CSMD1: variants seen among roughly 807,000 people sequenced by gnomAD.
CSMD1 encodes the protein CUB and Sushi multiple domains 1, also known as CUB and sushi domain-containing protein 1.
In CSMD1, 213 loss-of-function variants were observed where a neutral mutation model predicts 417.5. The ratio of observed to expected loss-of-function variants is 0.51; its 90% CI spans 0.46 to 0.57. CSMD1 has a LOEUF of 0.57. CSMD1 is among the 20% of genes least tolerant of loss of function. The probability of loss-of-function intolerance (pLI) is 0.00; values close to 1 mark genes in which losing one functional copy is unlikely to be tolerated. For missense variants in CSMD1, 6,923 were observed against 4,529.7 expected, an observed-to-expected ratio of 1.53 and a Z score of -15.17; for synonymous variants, 2,862 against 1,736.8, an observed-to-expected ratio of 1.65 and a Z score of -16.11.
At chr8:4,099,684 A>G (rs774810099) in intron 3 of CSMD1, among the ~76,000 whole-genome samples, 23 of 152,064 alleles carry the variant, frequency 1.5e-4, no homozygotes, top group Admixed American at 5.2e-4. Context: ...ATACAAACAA[A>G]CAAACAAAAC....
At chr8:4,322,983 T>A (rs1159015733) in intron 3 of CSMD1, among the ~76,000 whole-genome samples, 1 of 152,194 alleles carries the variant, frequency 6.6e-6, no homozygotes, top group African/African-American at 2.4e-5. Context: ...AGACTCCGTC[T>A]CAAAAAACTA....
intron 3 of CSMD1, among the ~76,000 whole-genome samples, chr8:4,240,847 G>C (rs1415273837): frequency 1.3e-5 from 2 of 152,036 alleles, no homozygotes; most frequent in Non-Finnish European, 2.9e-5. Context: ...CGTAGCATGG[G>C]GTAGCATTTT....
chr8:4,833,960 A>C (rs188725983), intron 1 of CSMD1, among the ~76,000 whole-genome samples: 1 of 152,158 alleles, frequency 6.6e-6, no homozygotes, highest in South Asian at 2.1e-4. Flanking sequence ...AGTCTTCACT[A>C]TCTTAGCACC....
At chr8:3,636,371 G>T (rs183139262) in intron 7 of CSMD1, among the ~76,000 whole-genome samples, 98 of 152,170 alleles carry the variant, frequency 6.4e-4, no homozygotes, top group East Asian at 3.1e-3. Flanking sequence ...AGAGATGAGG[G>T]TTCTCCATGT....
At chr8:3,529,274 T>C (rs1279282604) in intron 10 of CSMD1, among the ~76,000 whole-genome samples, 1 of 152,230 alleles carries the variant, frequency 6.6e-6, no homozygotes, top group East Asian at 1.9e-4. Context: ...TTTCCATGAT[T>C]TTTTTGCATT....
intron 5 of CSMD1, among the ~76,000 whole-genome samples, chr8:3,801,002 A>G (rs1370962478): frequency 6.6e-6 from 1 of 152,172 alleles, no homozygotes; most frequent in Non-Finnish European, 1.5e-5. Flanking sequence ...CATAGCTAAA[A>G]TCATAAAAAT....
chr8:3,261,242 CAG>C (rs1409357112), intron 26 of CSMD1, among the ~76,000 whole-genome samples: 1 of 152,112 alleles, frequency 6.6e-6, no homozygotes, highest in African/African-American at 2.4e-5. Context: ...GGCAGAAAAA[CAG>C]AATCACGTAC....
intron 3 of CSMD1, among the ~76,000 whole-genome samples, chr8:4,398,214 G>A (rs1328040419): frequency 6.6e-6 from 1 of 152,142 alleles, no homozygotes; most frequent in Non-Finnish European, 1.5e-5. Flanking sequence ...AGGATGATCT[G>A]TAGTATGTGG....
chr8:3,737,236 G>A (rs948158758), intron 6 of CSMD1, among the ~76,000 whole-genome samples: 1 of 151,992 alleles, frequency 6.6e-6, no homozygotes, highest in African/African-American at 2.4e-5. Flanking sequence ...TTGCTTTCTA[G>A]AGATAAGCCG....
At chr8:3,729,277 A>T (rs778372544) in intron 6 of CSMD1, among the ~76,000 whole-genome samples, 10 of 152,036 alleles carry the variant, frequency 6.6e-5, no homozygotes, top group Non-Finnish European at 1.2e-4. Context: ...GGAAGTGTTC[A>T]CCTCCTGGCA....
At chr8:3,924,674 A>G (rs893243876) in intron 5 of CSMD1, among the ~76,000 whole-genome samples, 1 of 152,064 alleles carries the variant, frequency 6.6e-6, no homozygotes, top group Non-Finnish European at 1.5e-5. Flanking sequence ...TTTCAGTGTA[A>G]TCATTGTTCT....
chr8:4,775,141 C>T (rs910104364), intron 1 of CSMD1, among the ~76,000 whole-genome samples: 1 of 152,016 alleles, frequency 6.6e-6, no homozygotes, highest in African/African-American at 2.4e-5. Flanking sequence ...CAGAATTTTC[C>T]CCAGGAAACC....
intron 3 of CSMD1, among the ~76,000 whole-genome samples, chr8:4,251,003 C>T (rs531733610): frequency 6.6e-6 from 1 of 152,150 alleles, no homozygotes; most frequent in African/African-American, 2.4e-5. Context: ...TCCTAAATCA[C>T]AGTTAATGAC....
chr8:2,960,517 A>T (rs1191063015), intron 62 of CSMD1, among the ~76,000 whole-genome samples: 1 of 152,218 alleles, frequency 6.6e-6, no homozygotes, highest in African/African-American at 2.4e-5. Context: ...ATTTTATTTC[A>T]AGCTTCATTA....
intron 2 of CSMD1, among the ~76,000 whole-genome samples, chr8:4,535,455 T>C (rs1277564251): frequency 2.0e-5 from 3 of 152,180 alleles, no homozygotes; most frequent in Non-Finnish European, 2.9e-5. Context: ...TTGCAATCAT[T>C]ATAAACTTAA....
intron 23 of CSMD1, among the ~76,000 whole-genome samples, chr8:3,318,492 AAAGAT>A: frequency 6.6e-6 from 1 of 152,060 alleles, no homozygotes; most frequent in East Asian, 1.9e-4. Context: ...TGTGTAGATA[AAAGAT>A]AACATATAAA....
Position 4,237,114 on chromosome 8 carries a change from C to T in CSMD1, c.415+182839G>A, listed in dbSNP as rs368209212. Among the ~76,000 whole-genome samples, 41 of 152,312 alleles carry T rather than the reference C, an allele frequency of 2.7e-4. 1 individual carries two copies. The highest frequency in any genetic ancestry group is 9.6e-4 in the African/African-American group (40 of 41,578). ...TTCACTCACTATCCTCCATCAAGAA[C>T]TAGCTACTTTGCACGGAAGCCCTAA... On this transcript the variant is annotated intron_variant, in intron 3 of 69. Transcript: ENST00000635120.
intron 5 of CSMD1, among the ~76,000 whole-genome samples, chr8:3,817,622 A>G (rs1801461756): frequency 2.0e-5 from 3 of 152,076 alleles, no homozygotes; most frequent in Admixed American, 1.3e-4. Context: ...GGCAATATTC[A>G]TCTGGCATTT....
At chr8:4,385,551 T>C (rs1206029421) in intron 3 of CSMD1, among the ~76,000 whole-genome samples, 1 of 152,226 alleles carries the variant, frequency 6.6e-6, no homozygotes, top group African/African-American at 2.4e-5. Flanking sequence ...TTTTTTGGAC[T>C]GCACATTACT....
Sources: gnomAD v4.1 joint callset for allele counts (sites outside exome capture counted in the v4.1 genomes callset) on GRCh38, gnomAD v4.1.1 for gene constraint, MANE v1.5 for transcripts, NCBI Gene and HGNC (gene_info 2026-07-23, HGNC 2026-07-21) for gene names.